Variants in SVEP1 observed in about 807,000 individuals in gnomAD.
SVEP1 encodes the protein sushi, von Willebrand factor type A, EGF and pentraxin domain-containing protein 1.
A neutral mutation model predicts 367.3 loss-of-function variants in SVEP1; 164 were observed. The observed-to-expected ratio is 0.45, with a 90% CI of 0.39 to 0.51. SVEP1 has a LOEUF of 0.51. Ranked by LOEUF, SVEP1 falls within the 20% of genes least tolerant of loss-of-function variation. The pLI, the probability that SVEP1 is intolerant of heterozygous loss-of-function variation, is 0.00. For synonymous variants in SVEP1, 1,666 were observed against 1,611.6 expected (o/e 1.03, Z -0.81); for missense variants, 4,117 against 4,425.3 (o/e 0.93, Z 1.98).
At chr9:110,455,833 A>T (rs1434457157) in intron 21 of SVEP1, 130 bp from the exon 22 acceptor site, 1 of 522,104 alleles carries the variant, frequency 1.9e-6, no homozygotes, top group Non-Finnish European at 3.3e-6. Flanking sequence ...GGTAATATTC[A>T]TTAAGTGCTA....
intron 40 of SVEP1, among the ~76,000 whole-genome samples, chr9:110,397,243 C>T (rs1266508989): frequency 6.6e-6 from 1 of 152,160 alleles, no homozygotes; most frequent in Non-Finnish European, 1.5e-5. Context: ...AGACAAAAAC[C>T]ACATGATTAT....
chr9:110,497,217 T>C (rs1829464320), intron 7 of SVEP1, among the ~76,000 whole-genome samples: 1 of 152,210 alleles, frequency 6.6e-6, no homozygotes, highest in African/African-American at 2.4e-5. Flanking sequence ...GCCATTGCCT[T>C]TCTTTTACCT....
At chr9:110,398,884 T>A (rs563241697) in intron 40 of SVEP1, among the ~76,000 whole-genome samples, 32 of 152,316 alleles carry the variant, frequency 2.1e-4, no homozygotes, top group Non-Finnish European at 4.0e-4. Flanking sequence ...GGAACACTTT[T>A]ACACTGTTGG....
chr9:110,567,005 T>G (rs1208755128), intron 1 of SVEP1, among the ~76,000 whole-genome samples: 1 of 152,230 alleles, frequency 6.6e-6, no homozygotes, highest in Non-Finnish European at 1.5e-5. Context: ...TATCCTATCA[T>G]TTCAAAAGTC....
At chr9:110,432,379 C>T in intron 31 of SVEP1, 83 bp downstream of exon 31, 1 of 1,501,272 alleles carries the variant, frequency 6.7e-7, no homozygotes, top group Non-Finnish European at 8.9e-7. Context: ...AAAGCAATGC[C>T]TCAAGAACCT....
chr9:110,458,887 A>G (rs1419934780), intron 19 of SVEP1, 65 bp downstream of exon 19: 9 of 1,557,276 alleles, frequency 5.8e-6, no homozygotes, highest in Non-Finnish European at 7.9e-6. Context: ...AACTGAAGCT[A>G]CAACAGAGAC....
intron 3 of SVEP1, among the ~76,000 whole-genome samples, chr9:110,537,417 T>C (rs2118828401): frequency 6.6e-6 from 1 of 152,110 alleles, no homozygotes; most frequent in Middle Eastern, 3.4e-3. Context: ...GCATGACAAA[T>C]TATATACAAA....
At position 110,385,883 on chromosome 9, in the gene SVEP1, C is replaced by T. The variant is rs1217039209; in HGVS notation, c.10237+15G>A. The T allele has an allele frequency of 1.1e-5, 18 of 1,608,954 alleles. No homozygotes were observed. Among genetic ancestry groups the T allele is most frequent in the East Asian group, 6.7e-5 (3 of 44,802 alleles). On this transcript the variant is annotated intron_variant, in intron 43 of 47. Coordinates refer to ENST00000374469, the MANE Select transcript of SVEP1 (RefSeq NM_153366.4). ...CGCACTAGCGGCATGAACTGGCTTC[C>T]GCCTGCTGACTTACTTTCACATTTG...
chr9:110,457,548 T>G (rs1828794590), intron 20 of SVEP1, among the ~76,000 whole-genome samples, 196 bp from the exon 21 acceptor site: 1 of 152,190 alleles, frequency 6.6e-6, no homozygotes, highest in Non-Finnish European at 1.5e-5. Flanking sequence ...TATATCATTC[T>G]TGGGTGATGT....
Position 110,385,938 on chromosome 9 carries a change from G to T in SVEP1, c.10197C>A (p.Asn3399Lys), listed in dbSNP as rs779438996. The change falls in exon 43 of 48, where the codon AAC becomes AAA. Residue 3399 changes from asparagine to lysine, a missense_variant. By Grantham distance (94) the Asn-to-Lys change is moderately conservative. Transcript: ENST00000374469. ...LLQGHGIITC[N>K]PDETWTQTSA... ...TTGTCTGTGTCCACGTCTCGTCGGG[G>T]TTGCAGGTAATGATGCCGTGGCCCT... 3.1e-6 allele frequency: 5 copies of T among 1,613,864 alleles called. No individual in the cohort carries two copies. In the South Asian group the frequency reaches 5.5e-5, roughly 18 times the overall value.
In SVEP1 at chr9:110,434,454, A is replaced by G; in HGVS notation, c.4941T>C (p.Asp1647=). The change falls in exon 30 of 48, where the codon GAT becomes GAC. Residue 1647 remains aspartate, a synonymous_variant. Transcript: ENST00000374469. Reference sequence around the variant, plus strand: ...GATTGACTTTGGAACCTGGCTTTAAATCTTCAGATGCAGTTCTCAGATGAG... The same window carrying G: ...GATTGACTTTGGAACCTGGCTTTAAGTCTTCAGATGCAGTTCTCAGATGAG... ...SVPHLRTASE[D]LKPGSKVNLF... 1 of 1,613,528 alleles carries G rather than the reference A, an allele frequency of 6.2e-7. No homozygotes were observed. Among genetic ancestry groups the G allele is most frequent in the Admixed American group, 1.7e-5 (1 of 59,932 alleles).
intron 18 of SVEP1, among the ~76,000 whole-genome samples, chr9:110,465,207 T>C (rs1401259328): frequency 6.6e-6 from 1 of 151,950 alleles, no homozygotes; most frequent in African/African-American, 2.4e-5. Context: ...CAATCTGTCT[T>C]AAAAAGCTCT....
At chr9:110,397,438 C>G (rs1382898830) in intron 40 of SVEP1, among the ~76,000 whole-genome samples, 1 of 152,176 alleles carries the variant, frequency 6.6e-6, no homozygotes, top group Admixed American at 6.5e-5. Flanking sequence ...TGGCATAAGA[C>G]AGGGATGCCC....
chr9:110,405,151 T>A (rs1333712642), intron 38 of SVEP1, among the ~76,000 whole-genome samples: 1 of 152,234 alleles, frequency 6.6e-6, no homozygotes, highest in Non-Finnish European at 1.5e-5. Flanking sequence ...TGGATATTAT[T>A]ATTATTGAAT....
At chr9:110,547,052 T>C (rs146279448) in intron 2 of SVEP1, among the ~76,000 whole-genome samples, 396 of 152,264 alleles carry the variant, frequency 2.6e-3, no homozygotes, top group African/African-American at 9.1e-3. Context: ...GATGGGCTTA[T>C]AGTAGGAATT....
chr9:110,543,476 A>G (rs928287483), intron 3 of SVEP1, among the ~76,000 whole-genome samples: 3 of 148,034 alleles, frequency 2.0e-5, no homozygotes, highest in Non-Finnish European at 4.4e-5. Context: ...AACTACATAT[A>G]TTTTACAGAC....
intron 6 of SVEP1, among the ~76,000 whole-genome samples, chr9:110,500,850 T>C (rs1829519406): frequency 6.6e-6 from 1 of 152,002 alleles, no homozygotes; most frequent in Non-Finnish European, 1.5e-5. Flanking sequence ...TTACTATTCC[T>C]ATTGCTCTTC....
chr9:110,547,366 C>T (rs1401300637), intron 2 of SVEP1, among the ~76,000 whole-genome samples: 1 of 152,144 alleles, frequency 6.6e-6, no homozygotes, highest in African/African-American at 2.4e-5. Context: ...CCTACTTGTC[C>T]AGCCTGGGTA....
intron 18 of SVEP1, among the ~76,000 whole-genome samples, chr9:110,459,678 T>C (rs927846012): frequency 5.9e-5 from 9 of 152,166 alleles, no homozygotes; most frequent in African/African-American, 1.9e-4. Context: ...GCCATTGATA[T>C]ATAGTGCCAA....
Sources: allele counts gnomAD v4.1 joint callset (sites outside exome capture counted in the v4.1 genomes callset), GRCh38; gene constraint gnomAD v4.1.1; transcripts MANE v1.5; gene names NCBI Gene and HGNC (gene_info 2026-07-23, HGNC 2026-07-21).